Variants in MEIS1 observed in about 807,000 individuals in gnomAD.
The protein encoded by MEIS1 is homeobox protein Meis1.
Under a neutral mutation model 50.8 loss-of-function variants are expected in MEIS1, and 5 were observed. The observed-to-expected ratio is 0.10, with a 90% CI of 0.05 to 0.21. MEIS1 has a LOEUF of 0.21. Ranked by LOEUF, MEIS1 falls within the 10% of genes least tolerant of loss-of-function variation. MEIS1 has a pLI of 1.00. For synonymous variants in MEIS1, 176 were observed against 179.3 expected (o/e 0.98, Z 0.15); for missense variants, 318 against 517.3 (o/e 0.61, Z 3.74).
At chr2:66,463,197 A>C (rs959272814) in intron 6 of MEIS1, among the ~76,000 whole-genome samples, 38 of 151,606 alleles carry the variant, frequency 2.5e-4, no homozygotes, top group African/African-American at 7.5e-4. Flanking sequence ...TACATATTTT[A>C]CATACGAGAT....
rs185157963 is a variant in MEIS1 at position 66,535,464 on chromosome 2, G to A, written c.889-12479G>A. Among the ~76,000 whole-genome samples, 7 of 152,292 alleles carry A rather than the reference G, an allele frequency of 4.6e-5. No homozygotes were observed. In the East Asian group the frequency reaches 9.6e-4, roughly 21 times the overall value. On this transcript the variant is annotated intron_variant, in intron 8 of 12. Transcript: ENST00000272369. ...TATCTCACAGTCTTGTTGGTGACAG[G>A]TCGAGCCTTCTCCCACTCATCTAAG...
chr2:66,442,631 GC>G, intron 5 of MEIS1: 1 of 377,838 alleles, frequency 2.6e-6, no homozygotes, highest in Non-Finnish European at 4.6e-6. Flanking sequence ...AATGACCACA[GC>G]CCCAGGAGCA....
At chr2:66,562,686 A>G (rs998258304) in intron 9 of MEIS1, among the ~76,000 whole-genome samples, 2 of 152,320 alleles carry the variant, frequency 1.3e-5, no homozygotes, top group East Asian at 1.9e-4. Context: ...AAAAAAAGCT[A>G]TAGAGCAAAC....
intron 7 of MEIS1, among the ~76,000 whole-genome samples, chr2:66,478,934 T>C (rs1672956270): frequency 6.6e-6 from 1 of 152,236 alleles, no homozygotes; most frequent in South Asian, 2.1e-4. Context: ...AAGAGCCCTC[T>C]TGTACTTCCT....
intron 9 of MEIS1, among the ~76,000 whole-genome samples, chr2:66,549,742 C>T (rs549185402): frequency 3.9e-5 from 6 of 152,174 alleles, no homozygotes; most frequent in African/African-American, 7.2e-5. Context: ...AAACGAAAAG[C>T]GCTGTCATTC....
chr2:66,442,827 G>A (rs1212642392), intron 5 of MEIS1, 75 bp from the exon 6 acceptor site: 1 of 1,369,954 alleles, frequency 7.3e-7, no homozygotes, highest in African/African-American at 1.5e-5. Flanking sequence ...TCACAAGGGG[G>A]GTGGATTGCA....
chr2:66,523,530 C>T (rs1361655512), intron 8 of MEIS1, among the ~76,000 whole-genome samples: 1 of 152,214 alleles, frequency 6.6e-6, no homozygotes, highest in African/African-American at 2.4e-5. Flanking sequence ...CACAAGGAAA[C>T]ATCTTCATAA....
At chr2:66,441,660 G>A in intron 5 of MEIS1, 196 bp downstream of exon 5, 1 of 540,698 alleles carries the variant, frequency 1.8e-6, no homozygotes, top group Non-Finnish European at 3.2e-6. Context: ...CTAAAACTGG[G>A]ATCACAAACG....
At chr2:66,508,610 C>T (rs763456527) in intron 7 of MEIS1, among the ~76,000 whole-genome samples, 36 of 152,252 alleles carry the variant, frequency 2.4e-4, no homozygotes, top group Non-Finnish European at 4.7e-4. Flanking sequence ...TTTCAGGAGC[C>T]TCTGGCCCCT....
chr2:66,463,755 A>G lies in MEIS1; in HGVS notation c.631-354A>G, dbSNP rs1281343996. 3.3e-5 allele frequency among the ~76,000 whole-genome samples: 5 copies of G among 152,324 alleles called. No homozygotes were observed. The East Asian group carries it at 9.6e-4, about 29-fold the overall frequency. Reference sequence around the variant, plus strand: ...ACCACCACTCTCATTTTGCATTTCCAGAGTAGCAGACTGTTGTGCCAGAGG... The same window carrying G: ...ACCACCACTCTCATTTTGCATTTCCGGAGTAGCAGACTGTTGTGCCAGAGG... On this transcript the variant is annotated intron_variant, in intron 6 of 12. Coordinates refer to ENST00000272369, the MANE Select transcript of MEIS1 (RefSeq NM_002398.3).
intron 8 of MEIS1, among the ~76,000 whole-genome samples, chr2:66,524,570 A>G (rs920201276): frequency 1.3e-5 from 2 of 152,236 alleles, no homozygotes; most frequent in African/African-American, 4.8e-5. Context: ...AAATGAATAA[A>G]TAAATAAAAT....
At chr2:66,509,170 G>T in intron 7 of MEIS1, 1 of 380,210 alleles carries the variant, frequency 2.6e-6, no homozygotes, top group East Asian at 8.3e-5. Flanking sequence ...GACATTTCCA[G>T]ATCAATTTTC....
intron 7 of MEIS1, among the ~76,000 whole-genome samples, chr2:66,499,683 A>AG: frequency 7.7e-6 from 1 of 130,002 alleles, no homozygotes; most frequent in Non-Finnish European, 1.6e-5. Context: ...CAGTGAAGTG[A>AG]GGGTACATAG....
At chr2:66,503,041 G>T (rs939604769) in intron 7 of MEIS1, among the ~76,000 whole-genome samples, 3 of 152,042 alleles carry the variant, frequency 2.0e-5, no homozygotes, top group African/African-American at 7.2e-5. Context: ...GCCTAAATTG[G>T]GGTCTACCTG....
intron 8 of MEIS1, among the ~76,000 whole-genome samples, chr2:66,534,635 T>A (rs1217574147): frequency 1.3e-5 from 2 of 152,156 alleles, no homozygotes; most frequent in Non-Finnish European, 2.9e-5. Context: ...ACCACGTTCC[T>A]GGGCTAAACG....
chr2:66,440,364 C>G lies in MEIS1; in HGVS notation c.382-198C>G. 9.6e-6 allele frequency: 6 copies of G among 625,266 alleles called. No homozygotes were observed. In the South Asian group the frequency reaches 1.2e-4, roughly 12 times the overall value. The allele number at this position is 625,266 out of a possible 1,614,324, so 38.7% of individuals were successfully genotyped here. A position where few individuals can be genotyped will look rare whatever the true frequency, so the allele number is the denominator to read the frequency against. On this transcript the variant is annotated intron_variant, in intron 3 of 12. Transcript: ENST00000272369. Reference sequence around the variant, plus strand: ...AGTAGAAGTAAGATTGAGCTCTGGGCTTGTTTTCAGCTTATTTAATTCACA... The same window carrying G: ...AGTAGAAGTAAGATTGAGCTCTGGGGTTGTTTTCAGCTTATTTAATTCACA...
intron 8 of MEIS1, among the ~76,000 whole-genome samples, chr2:66,525,424 C>A (rs62144057): frequency 1.3e-5 from 2 of 152,056 alleles, no homozygotes; most frequent in African/African-American, 4.8e-5. Context: ...CTAAGGTACA[C>A]AAGCAAGATG....
chr2:66,510,648 A>G (rs765125800), intron 7 of MEIS1, among the ~76,000 whole-genome samples: 4 of 152,182 alleles, frequency 2.6e-5, no homozygotes, highest in Non-Finnish European at 5.9e-5. Context: ...TCCTCACCCA[A>G]CAAACTTTCT....
At chr2:66,500,174 C>T (rs928106596) in intron 7 of MEIS1, among the ~76,000 whole-genome samples, 21 of 152,140 alleles carry the variant, frequency 1.4e-4, no homozygotes, top group Admixed American at 3.3e-4. Flanking sequence ...AGAAAGTATA[C>T]GAGCTTTACC....
Sources: gnomAD v4.1 joint callset for allele counts (sites outside exome capture counted in the v4.1 genomes callset) on GRCh38, gnomAD v4.1.1 for gene constraint, MANE v1.5 for transcripts, NCBI Gene and HGNC (gene_info 2026-07-23, HGNC 2026-07-21) for gene names.